ACSBG1: variants seen among roughly 807,000 people sequenced by gnomAD.
The protein encoded by ACSBG1 is acyl-CoA synthetase bubblegum family member 1.
A neutral mutation model predicts 80.2 loss-of-function variants in ACSBG1; 39 were observed. The observed-to-expected ratio is 0.49, with a 90% confidence interval of 0.38 to 0.64. The LOEUF is 0.64. Ranked by LOEUF, ACSBG1 falls within the 30% of genes least tolerant of loss-of-function variation. The pLI is 0.00. For synonymous variants in ACSBG1, 392 were observed against 379.5 expected (o/e 1.03, Z -0.38); for missense variants, 828 against 966.4 (o/e 0.86, Z 1.90).
chr15:78,194,412 G>T, intron 3 of ACSBG1, 94 bp downstream of exon 3: 1 of 1,177,088 alleles, frequency 8.5e-7, no homozygotes. Flanking sequence ...TAAGAGCCTT[G>T]CCCAGTGGGC....
In ACSBG1 at chr15:78,194,489, A is replaced by T. The variant is rs753892358; in HGVS notation, c.453+17T>A. ...ATCTGGGGAGGGGCAAGGCCTTGCC[A>T]TGAGGGGCCCCCTTACCTTCAGGAA... On this transcript the variant is annotated intron_variant, in intron 3 of 13. Coordinates refer to ENST00000258873, the MANE Select transcript of ACSBG1 (RefSeq NM_015162.5). The T allele has an allele frequency of 6.2e-7, 1 of 1,613,168 alleles. No individual in the cohort carries two copies. Among genetic ancestry groups the T allele is most frequent in the South Asian group, 1.1e-5 (1 of 91,052 alleles).
chr15:78,181,848 G>A (rs1595882675), intron 8 of ACSBG1, 121 bp downstream of exon 8: 3 of 1,326,908 alleles, frequency 2.3e-6, no homozygotes, highest in East Asian at 2.4e-5. Context: ...GCAGCTGACA[G>A]AATTCTGACT....
intron 1 of ACSBG1, among the ~76,000 whole-genome samples, chr15:78,227,399 G>C (rs1189564105): frequency 6.6e-6 from 1 of 151,896 alleles, no homozygotes; most frequent in Non-Finnish European, 1.5e-5. Context: ...CTAAAGATTT[G>C]AAAAGATAAT....
chr15:78,173,553 T>G (rs778407671), intron 13 of ACSBG1, 40 bp downstream of exon 13: 1 of 1,604,762 alleles, frequency 6.2e-7, no homozygotes, highest in African/African-American at 1.3e-5. Flanking sequence ...GCCTCTGCCT[T>G]CCCACACAGC....
At chr15:78,212,680 G>T in intron 1 of ACSBG1, 1 of 443,018 alleles carries the variant, frequency 2.3e-6, no homozygotes, top group Non-Finnish European at 4.6e-6. Flanking sequence ...GAGTCCCCCC[G>T]GGAGAGCCAC....
chr15:78,186,693 T>C (rs1030991240), intron 5 of ACSBG1, among the ~76,000 whole-genome samples: 3 of 152,084 alleles, frequency 2.0e-5, no homozygotes, highest in Non-Finnish European at 2.9e-5. Context: ...GGGAAATTTA[T>C]AGCACTAAAT....
At chr15:78,219,561 C>G (rs28454342) in intron 1 of ACSBG1, among the ~76,000 whole-genome samples, 1 of 152,042 alleles carries the variant, frequency 6.6e-6, no homozygotes, top group Non-Finnish European at 1.5e-5. Flanking sequence ...ATCTCATGAT[C>G]GAGAGACTTA....
At position 78,168,709 on chromosome 15, in the gene ACSBG1, CAG is replaced by C. The variant is rs1236790414; in HGVS notation, c.*2733_*2734del. 2.6e-6 allele frequency: 1 copy of C among 381,758 alleles called. No individual in the cohort carries two copies. The highest frequency in any genetic ancestry group is 3.8e-5 in the East Asian group (1 of 26,180). The allele number at this position is 381,758 out of a possible 1,614,324, so 23.6% of individuals were successfully genotyped here. ...TGCATCAAGAGCACCTTATTCTTTG[CAG>C]AGTGCTGTTGTATACACTATGAGAT... On this transcript the variant is annotated 3_prime_UTR_variant, in exon 14 of 14. Transcript: ENST00000258873.
chr15:78,216,823 C>T (rs568193081), intron 1 of ACSBG1, among the ~76,000 whole-genome samples: 1 of 152,326 alleles, frequency 6.6e-6, no homozygotes, highest in East Asian at 1.9e-4. Context: ...CTCTGTCATG[C>T]CAAATCCCAC....
intron 2 of ACSBG1, among the ~76,000 whole-genome samples, chr15:78,202,923 T>G (rs780302276): frequency 3.2e-4 from 49 of 152,344 alleles, no homozygotes; most frequent in Admixed American, 1.9e-3. Flanking sequence ...AACAGGGGAC[T>G]GGTCTCTTAT....
intron 1 of ACSBG1, chr15:78,213,889 T>C (rs1375791547): frequency 6.6e-6 from 1 of 152,316 alleles, no homozygotes; most frequent in Non-Finnish European, 1.5e-5. Context: ...GTTTTATTAG[T>C]AGTCGCATTT....
At position 78,167,604 on chromosome 15, in the gene ACSBG1, A is replaced by G. The variant is rs1034578871; in HGVS notation, c.*3840T>C. 2 of 152,198 alleles carry G rather than the reference A, an allele frequency of 1.3e-5. No individual in the cohort carries two copies. The highest frequency in any genetic ancestry group is 2.4e-5 in the African/African-American group (1 of 41,442). The allele number at this position is 152,198 out of a possible 1,614,324, so 9.4% of individuals were successfully genotyped here. Reference sequence around the variant, plus strand: ...TGTAATGTAACCATCACCATCAGTCATCTCCAGACCAGTTTCATTTTCTCA... The same window carrying G: ...TGTAATGTAACCATCACCATCAGTCGTCTCCAGACCAGTTTCATTTTCTCA... On this transcript the variant is annotated 3_prime_UTR_variant, in exon 14 of 14. Coordinates refer to ENST00000258873, the MANE Select transcript of ACSBG1 (RefSeq NM_015162.5).
chr15:78,201,448 G>A (rs1040602508), intron 2 of ACSBG1, among the ~76,000 whole-genome samples: 14 of 152,210 alleles, frequency 9.2e-5, no homozygotes, highest in African/African-American at 2.7e-4. Context: ...AGCAGGACAC[G>A]CCAGCCTCCT....
rs376226453 is a variant in ACSBG1, at chr15:78,205,643, T to C, written c.232+2359A>G. On this transcript the variant is annotated intron_variant, in intron 2 of 13. Coordinates refer to ENST00000258873, the MANE Select transcript of ACSBG1 (RefSeq NM_015162.5). ...AGATTTGTTTTCCCTGCTACTGATATGAAGATAAAAGGAAAGAATACAAGA... is the reference window on the plus strand; with the variant it reads ...AGATTTGTTTTCCCTGCTACTGATACGAAGATAAAAGGAAAGAATACAAGA... Among the ~76,000 whole-genome samples the C allele has an allele frequency of 3.0e-4, 46 of 152,290 alleles. 1 individual carries two copies. In the South Asian group the frequency reaches 8.5e-3, roughly 28 times the overall value.
At chr15:78,230,744 T>C (rs902159589) in intron 1 of ACSBG1, among the ~76,000 whole-genome samples, 1 of 152,250 alleles carries the variant, frequency 6.6e-6, no homozygotes, top group African/African-American at 2.4e-5. Flanking sequence ...TCTGCTGCCA[T>C]GTGAGATGTG....
chr15:78,185,820 A>C (rs752636853), intron 5 of ACSBG1, among the ~76,000 whole-genome samples: 1 of 152,140 alleles, frequency 6.6e-6, no homozygotes, highest in Non-Finnish European at 1.5e-5. Context: ...TCTTGTTAGA[A>C]ATGATGCAAA....
At chr15:78,192,805 A>C (rs1272501971) in intron 5 of ACSBG1, among the ~76,000 whole-genome samples, 1 of 152,184 alleles carries the variant, frequency 6.6e-6, no homozygotes, top group African/African-American at 2.4e-5. Context: ...CTCCAGAATC[A>C]CAGGCAAGCC....
At chr15:78,205,809 CA>C (rs1261457114) in intron 2 of ACSBG1, among the ~76,000 whole-genome samples, 1 of 152,110 alleles carries the variant, frequency 6.6e-6, no homozygotes, top group Non-Finnish European at 1.5e-5. Flanking sequence ...CCAATCTTAT[CA>C]AAAATGCTTT....
intron 1 of ACSBG1, among the ~76,000 whole-genome samples, chr15:78,224,447 T>C (rs182271054): frequency 9.2e-5 from 14 of 152,292 alleles, no homozygotes; most frequent in Middle Eastern, 6.8e-3. Flanking sequence ...GGGCCGGGCG[T>C]GGTGGCTCAC....
Sources: allele counts gnomAD v4.1 joint callset (sites outside exome capture counted in the v4.1 genomes callset), GRCh38; gene constraint gnomAD v4.1.1; transcripts MANE v1.5; gene names NCBI Gene and HGNC (gene_info 2026-07-23, HGNC 2026-07-21).